LTBP1: variants seen among roughly 807,000 people sequenced by gnomAD.
The protein encoded by LTBP1 is latent transforming growth factor beta binding protein 1.
In LTBP1, 129 loss-of-function variants were observed where a neutral mutation model predicts 207.6. That is an observed-to-expected ratio of 0.62 (90% CI 0.54 to 0.72). The LOEUF is 0.72. LTBP1 is among the 30% of genes least tolerant of loss of function. The pLI, the probability that LTBP1 is intolerant of heterozygous loss-of-function variation, is 0.00. For missense variants in LTBP1, 2,281 were observed against 2,217.2 expected (o/e 1.03, Z -0.58); for synonymous variants, 963 against 833.7 (o/e 1.16, Z -2.67).
Position 33,046,413 on chromosome 2 carries a change from C to T in LTBP1, c.863+25207C>T, listed in dbSNP as rs1469711334. 3.9e-5 allele frequency among the ~76,000 whole-genome samples: 6 copies of T among 152,104 alleles called. No homozygotes were observed. The South Asian group carries it at 8.3e-4, about 21-fold the overall frequency. On this transcript the variant is annotated intron_variant, in intron 3 of 33. Coordinates refer to ENST00000404816, the MANE Select transcript of LTBP1 (RefSeq NM_206943.4). The stretch of plus-strand genomic sequence containing the variant: ...TTGGTTCTGTTTATGTGATGGATTA[C>T]GTTTATTGATTTGCATATGTTGAAC...
At chr2:32,980,199 AT>A (rs1368195889) in intron 2 of LTBP1, among the ~76,000 whole-genome samples, 1 of 152,076 alleles carries the variant, frequency 6.6e-6, no homozygotes, top group Non-Finnish European at 1.5e-5. Context: ...TACTCTTACA[AT>A]TTTGTTATTT....
chr2:33,032,995 C>G (rs1297292268), intron 3 of LTBP1, among the ~76,000 whole-genome samples: 1 of 152,084 alleles, frequency 6.6e-6, no homozygotes, highest in Non-Finnish European at 1.5e-5. Flanking sequence ...GCTTTATGTT[C>G]AAATAATTTA....
At chr2:33,013,791 G>C (rs558466281) in intron 2 of LTBP1, among the ~76,000 whole-genome samples, 1 of 152,242 alleles carries the variant, frequency 6.6e-6, no homozygotes, top group Admixed American at 6.5e-5. Flanking sequence ...AACCACTCCT[G>C]CTGAGCTTAG....
chr2:33,242,313 T>C (rs2092355920), intron 9 of LTBP1, among the ~76,000 whole-genome samples: 1 of 152,260 alleles, frequency 6.6e-6, no homozygotes, highest in Admixed American at 6.5e-5. Context: ...AGTGACTATA[T>C]AATCTTTCTT....
At chr2:33,390,560 C>T (rs2095306571) in intron 32 of LTBP1, among the ~76,000 whole-genome samples, 1 of 151,918 alleles carries the variant, frequency 6.6e-6, no homozygotes, top group Admixed American at 6.6e-5. Flanking sequence ...ATGATCACAG[C>T]TCACTGCAAC....
rs184865838 is a variant in LTBP1 at position 33,397,616 on chromosome 2, T to C, written c.4984+334T>C. Among the ~76,000 whole-genome samples the C allele has an allele frequency of 1.4e-3, 215 of 148,938 alleles. 1 individual carries two copies. Among genetic ancestry groups the C allele is most frequent in the African/African-American group, 4.8e-3 (194 of 40,282 alleles). ...TCTGCCTCCCAGGTTCAAGCAATGCTCCTGCCTCAGCCTCCTGAGTAGCTG... is the reference window on the plus strand; with the variant it reads ...TCTGCCTCCCAGGTTCAAGCAATGCCCCTGCCTCAGCCTCCTGAGTAGCTG... On this transcript the variant is annotated intron_variant, in intron 33 of 33. Transcript: ENST00000404816.
intron 31 of LTBP1, among the ~76,000 whole-genome samples, chr2:33,366,633 T>C (rs1326573752): frequency 6.6e-6 from 1 of 152,218 alleles, no homozygotes; most frequent in Non-Finnish European, 1.5e-5. Context: ...AGCACTGCCA[T>C]AGCAGCTGCA....
intron 32 of LTBP1, among the ~76,000 whole-genome samples, chr2:33,394,068 CTT>C (rs1234137843): frequency 2.0e-5 from 3 of 152,014 alleles, no homozygotes; most frequent in Admixed American, 1.3e-4. Context: ...TTTCATGTGT[CTT>C]TTGGCTGCAT....
chr2:33,171,818 A>G (rs572093515), intron 5 of LTBP1, among the ~76,000 whole-genome samples: 152 of 152,258 alleles, frequency 1.0e-3, no homozygotes, highest in African/African-American at 3.5e-3. Context: ...CTCGGCAGAA[A>G]CTCTACAAGC....
chr2:33,059,956 A>T (rs1430391152), intron 3 of LTBP1, among the ~76,000 whole-genome samples: 1 of 152,220 alleles, frequency 6.6e-6, no homozygotes, highest in Non-Finnish European at 1.5e-5. Flanking sequence ...CTGGCCTTTT[A>T]CTCAGTTCTT....
At chr2:33,352,605 C>T (rs1466467941) in intron 26 of LTBP1, among the ~76,000 whole-genome samples, 1 of 152,196 alleles carries the variant, frequency 6.6e-6, no homozygotes, top group Non-Finnish European at 1.5e-5. Flanking sequence ...AGTCTTTCAG[C>T]ATCACTTACC....
chr2:32,958,059 T>G (rs922626229), intron 2 of LTBP1, among the ~76,000 whole-genome samples: 1 of 152,210 alleles, frequency 6.6e-6, no homozygotes, highest in Non-Finnish European at 1.5e-5. Flanking sequence ...TGGTTTGTCC[T>G]GAATGACAGG....
At chr2:33,257,593 A>G (rs1259462505) in intron 12 of LTBP1, 82 bp downstream of exon 12, 2 of 1,178,100 alleles carry the variant, frequency 1.7e-6, no homozygotes, top group Non-Finnish European at 2.4e-6. Flanking sequence ...ACCCTCTAGA[A>G]CAGAGTTTCT....
At chr2:32,991,438 TA>T (rs1306635945) in intron 2 of LTBP1, among the ~76,000 whole-genome samples, 1 of 152,232 alleles carries the variant, frequency 6.6e-6, no homozygotes, top group Admixed American at 6.5e-5. Context: ...TATCTAAATA[TA>T]AAGCTAGCTT....
intron 3 of LTBP1, among the ~76,000 whole-genome samples, chr2:33,104,117 C>T (rs1028582543): frequency 6.6e-6 from 1 of 152,052 alleles, no homozygotes; most frequent in Non-Finnish European, 1.5e-5. Context: ...CTCTGCAGGT[C>T]AAATAATGGA....
intron 5 of LTBP1, among the ~76,000 whole-genome samples, chr2:33,148,484 T>C (rs1263426981): frequency 6.6e-6 from 1 of 152,158 alleles, no homozygotes; most frequent in Non-Finnish European, 1.5e-5. Flanking sequence ...TAACATAGAG[T>C]GAAGATGAAT....
intron 3 of LTBP1, among the ~76,000 whole-genome samples, chr2:33,060,278 A>G (rs2077200599): frequency 6.6e-6 from 1 of 152,158 alleles, no homozygotes; most frequent in Non-Finnish European, 1.5e-5. Context: ...GCTAAATGAC[A>G]GTTGTGTTAT....
chr2:32,966,971 T>C (rs1229558917), intron 2 of LTBP1, among the ~76,000 whole-genome samples: 1 of 152,132 alleles, frequency 6.6e-6, no homozygotes, highest in Non-Finnish European at 1.5e-5. Context: ...CTGAAATGTT[T>C]CCTAGAATTG....
chr2:33,296,415 A>T (rs530397392), intron 20 of LTBP1, among the ~76,000 whole-genome samples: 1 of 152,246 alleles, frequency 6.6e-6, no homozygotes, highest in East Asian at 1.9e-4. Context: ...GTTCAAGATT[A>T]TCCTGCCTTT....
Sources: gnomAD v4.1 joint callset for allele counts (sites outside exome capture counted in the v4.1 genomes callset) on GRCh38, gnomAD v4.1.1 for gene constraint, MANE v1.5 for transcripts, NCBI Gene and HGNC (gene_info 2026-07-23, HGNC 2026-07-21) for gene names.